Variants in ACTN2 observed in about 807,000 individuals in gnomAD.
ACTN2 encodes actinin alpha 2.
A neutral mutation model predicts 113.8 loss-of-function variants in ACTN2; 39 were observed. The ratio of observed to expected loss-of-function variants is 0.34; its 90% CI spans 0.27 to 0.45. ACTN2 has a LOEUF of 0.45. Among genes scored for constraint, ACTN2 ranks in the 20% least tolerant of loss-of-function variants. The probability of loss-of-function intolerance (pLI) is 1.00; values close to 1 mark genes in which losing one functional copy is unlikely to be tolerated. For synonymous variants in ACTN2, 429 were observed against 444.1 expected, an observed-to-expected ratio of 0.97 and a Z score of 0.43; for missense variants, 992 against 1,177.9, an observed-to-expected ratio of 0.84 and a Z score of 2.31.
intron 11 of ACTN2, among the ~76,000 whole-genome samples, chr1:236,744,278 T>C (rs1659158836): frequency 6.6e-6 from 1 of 152,160 alleles, no homozygotes; most frequent in African/African-American, 2.4e-5. Flanking sequence ...TGGTAGCTCT[T>C]GGGAGTGAAT....
Position 236,719,025 on chromosome 1 carries a change from G to C in ACTN2, c.361+12G>C. 6.2e-7 allele frequency: 1 copy of C among 1,613,726 alleles called. No individual in the cohort carries two copies. The highest frequency in any genetic ancestry group is 1.1e-5 in the South Asian group (1 of 91,058). Reference sequence around the variant, plus strand: ...CATTGGCGCTGAAGGTGAGAGGTGTGGTGGGTGGTCCTGTCTGCCACACTG... The same window carrying C: ...CATTGGCGCTGAAGGTGAGAGGTGTCGTGGGTGGTCCTGTCTGCCACACTG... On this transcript the variant is annotated intron_variant, in intron 3 of 20. Transcript: ENST00000366578.
chr1:236,740,834 G>T (rs2102924567), intron 10 of ACTN2, among the ~76,000 whole-genome samples: 1 of 151,812 alleles, frequency 6.6e-6, no homozygotes, highest in Middle Eastern at 3.4e-3. Context: ...CAGTTTTTTT[G>T]GCCCAGCTGC....
At chr1:236,703,490 T>G (rs971843457) in intron 1 of ACTN2, among the ~76,000 whole-genome samples, 1 of 150,628 alleles carries the variant, frequency 6.6e-6, no homozygotes, top group Non-Finnish European at 1.5e-5. Context: ...TAGACTTTGA[T>G]TCTAAAGATA....
chr1:236,717,761 G>T, intron 1 of ACTN2, 97 bp from the exon 2 acceptor site: 1 of 840,886 alleles, frequency 1.2e-6, no homozygotes, highest in South Asian at 1.4e-5. Flanking sequence ...CAGCCTTGTA[G>T]ATTCCCAAGA....
At chr1:236,762,180 A>G (rs1221526715) in intron 20 of ACTN2, among the ~76,000 whole-genome samples, 1 of 152,052 alleles carries the variant, frequency 6.6e-6, no homozygotes, top group Non-Finnish European at 1.5e-5. Context: ...AGATCATAGT[A>G]CGTATCCTCG....
Position 236,761,121 on chromosome 1 carries a change from C to T in ACTN2, c.2474C>T (p.Thr825Ile). ...IDFMTRETADTDTAEQVIASF... is the reference protein window; with the variant it reads ...IDFMTRETADIDTAEQVIASF... ...TTCATGACTAGAGAGACGGCTGACA[C>T]CGACACTGCCGAGCAGGTCATCGCC... Residue 825 changes from threonine to isoleucine, a missense_variant, in exon 20 of 21, where the codon ACC becomes ATC. Physicochemically the swap from Thr to Ile is moderately conservative, Grantham distance 89. Transcript: ENST00000366578. 3 of 1,614,212 alleles carry T rather than the reference C, an allele frequency of 1.9e-6. No homozygotes were observed. Among genetic ancestry groups the T allele is most frequent in the Non-Finnish European group, 1.7e-6 (2 of 1,180,034 alleles).
At chr1:236,746,165 CAAAA>C (rs55953102) in intron 12 of ACTN2, among the ~76,000 whole-genome samples, 4 of 80,394 alleles carry the variant, frequency 5.0e-5, no homozygotes, top group African/African-American at 1.4e-4. Context: ...GACTCCATCT[CAAAA>C]AAAAAAAAAA....
At chr1:236,698,204 T>C (rs1037268477) in intron 1 of ACTN2, among the ~76,000 whole-genome samples, 4 of 136,680 alleles carry the variant, frequency 2.9e-5, no homozygotes, top group Non-Finnish European at 6.2e-5. Context: ...AAGGCTTTAT[T>C]GAACATTTGT....
At chr1:236,729,350 T>A (rs187804952) in intron 6 of ACTN2, among the ~76,000 whole-genome samples, 1 of 152,130 alleles carries the variant, frequency 6.6e-6, no homozygotes, top group Admixed American at 6.5e-5. Flanking sequence ...GAAAGAATGG[T>A]GTGTAAAGAC....
At chr1:236,689,220 T>A (rs1262456447) in intron 1 of ACTN2, among the ~76,000 whole-genome samples, 1 of 151,516 alleles carries the variant, frequency 6.6e-6, no homozygotes, top group Non-Finnish European at 1.5e-5. Context: ...GGGTTAGGAA[T>A]ATTTATATTT....
intron 1 of ACTN2, among the ~76,000 whole-genome samples, chr1:236,715,314 C>CT (rs1475826918): frequency 6.2e-4 from 70 of 112,238 alleles, no homozygotes; most frequent in African/African-American, 2.0e-3. Flanking sequence ...CCCCTCCCCC[C>CT]ACCCTGTTAC....
intron 2 of ACTN2, 37 bp from the exon 3 acceptor site, chr1:236,718,857 G>A: frequency 6.2e-7 from 1 of 1,614,064 alleles, no homozygotes; most frequent in Non-Finnish European, 8.5e-7. Context: ...AGAGGTCACT[G>A]TCTCTATGTC....
chr1:236,723,097 GTGT>G (rs753052060), intron 4 of ACTN2, among the ~76,000 whole-genome samples: 28 of 152,202 alleles, frequency 1.8e-4, no homozygotes, highest in Admixed American at 3.3e-4. Flanking sequence ...CAATTTTAAG[GTGT>G]TGTAGATATA....
intron 1 of ACTN2, among the ~76,000 whole-genome samples, chr1:236,709,329 T>TATATATATACGTGTATATATATAC (rs1491548644): frequency 2.4e-5 from 3 of 127,350 alleles, no homozygotes; most frequent in Middle Eastern, 3.8e-3. Flanking sequence ...TATATATACA[T>TATATATATACGTGTATATATATAC]GTATATATAT....
At chr1:236,747,192 C>T (rs1659262578) in intron 12 of ACTN2, among the ~76,000 whole-genome samples, 1 of 152,180 alleles carries the variant, frequency 6.6e-6, no homozygotes, top group Non-Finnish European at 1.5e-5. Context: ...AAGAAGACAA[C>T]GGTTCTCTCT....
chr1:236,712,169 T>C (rs1658046281), intron 1 of ACTN2, among the ~76,000 whole-genome samples: 1 of 152,234 alleles, frequency 6.6e-6, no homozygotes, highest in Non-Finnish European at 1.5e-5. Flanking sequence ...GTTTTGTTGC[T>C]ACTGTTGTTT....
intron 8 of ACTN2, 38 bp downstream of exon 8, chr1:236,735,758 C>A: frequency 6.3e-7 from 1 of 1,575,280 alleles, no homozygotes. Flanking sequence ...TTGTGTTACT[C>A]TCTGTTGGTT....
At chr1:236,731,410 T>C (rs1375545306) in intron 7 of ACTN2, 96 bp downstream of exon 7, 3 of 971,368 alleles carry the variant, frequency 3.1e-6, no homozygotes, top group African/African-American at 3.2e-5. Context: ...TATAGCGAAG[T>C]TACATCCGAA....
chr1:236,739,222 T>C (rs1386657101), intron 9 of ACTN2, 80 bp from the exon 10 acceptor site: 3 of 1,361,470 alleles, frequency 2.2e-6, no homozygotes, highest in Admixed American at 1.7e-5. Flanking sequence ...TACAAATTAT[T>C]GGATGCCTCA....
Sources: gnomAD v4.1 joint callset for allele counts (sites outside exome capture counted in the v4.1 genomes callset) on GRCh38, gnomAD v4.1.1 for gene constraint, MANE v1.5 for transcripts, NCBI Gene and HGNC (gene_info 2026-07-23, HGNC 2026-07-21) for gene names.